Variants in SGCZ observed in about 807,000 individuals in gnomAD.
The protein encoded by SGCZ is sarcoglycan zeta.
In SGCZ, 40 loss-of-function variants were observed where a neutral mutation model predicts 41.3. The observed-to-expected ratio is 0.97, with a 90% CI of 0.75 to 1.26. The LOEUF (loss-of-function observed/expected upper bound fraction) is 1.26. Among genes scored for constraint, SGCZ ranks in the 50% most tolerant of loss-of-function variants. SGCZ has a pLI of 0.00. For synonymous variants in SGCZ, 206 were observed against 137.5 expected (o/e 1.50, Z -3.49); for missense variants, 552 against 369.8 (o/e 1.49, Z -4.04).
chr8:15,192,067 A>G (rs1180967401), intron 1 of SGCZ, among the ~76,000 whole-genome samples: 4 of 152,138 alleles, frequency 2.6e-5, no homozygotes, highest in African/African-American at 4.8e-5. Flanking sequence ...TAGAGCTACT[A>G]TTATATTCCC....
rs2116958339 is a variant in SGCZ, at chr8:14,093,907, G to A, written c.745-3270C>T. ...AATGTTACATTTGTATTCATTCATTGTTTGTTTCTTCTACTTACAATAAGA... is the reference window on the plus strand; with the variant it reads ...AATGTTACATTTGTATTCATTCATTATTTGTTTCTTCTACTTACAATAAGA... On this transcript the variant is annotated intron_variant, in intron 7 of 7. Coordinates refer to ENST00000382080, the MANE Select transcript of SGCZ (RefSeq NM_139167.4). 2.0e-5 allele frequency among the ~76,000 whole-genome samples: 3 copies of A among 152,012 alleles called. 1 individual carries two copies. The Middle Eastern group carries it at 0.01, about 517-fold the overall frequency.
At chr8:14,555,422 G>A (rs1804005273) in intron 1 of SGCZ, among the ~76,000 whole-genome samples, 2 of 151,806 alleles carry the variant, frequency 1.3e-5, no homozygotes, top group South Asian at 4.1e-4. Flanking sequence ...TGGTTAAGTG[G>A]GTGGCACCTC....
At position 14,994,660 on chromosome 8, in the gene SGCZ, A is replaced by ATG. The variant is rs1300901517; in HGVS notation, c.39+242923_39+242924dup. 4.0e-5 allele frequency among the ~76,000 whole-genome samples: 6 copies of ATG among 150,414 alleles called. No individual in the cohort carries two copies. In the East Asian group the frequency reaches 1.2e-3, roughly 29 times the overall value. ...CATGGTAGATTAGGGGCGTGTGTGTATGTGTGTGTGTATACTCACTACATT... is the reference window on the plus strand; with the variant it reads ...CATGGTAGATTAGGGGCGTGTGTGTATGTGTGTGTGTGTATACTCACTACATT... On this transcript the variant is annotated intron_variant, in intron 1 of 7. Coordinates refer to ENST00000382080, the MANE Select transcript of SGCZ (RefSeq NM_139167.4).
intron 1 of SGCZ, among the ~76,000 whole-genome samples, chr8:14,595,013 G>C (rs986802566): frequency 2.0e-5 from 3 of 151,440 alleles, no homozygotes; most frequent in African/African-American, 7.3e-5. Flanking sequence ...ATTTTTTTCT[G>C]TAGTAAAATA....
At chr8:15,113,831 C>A (rs1255151758) in intron 1 of SGCZ, among the ~76,000 whole-genome samples, 1 of 152,180 alleles carries the variant, frequency 6.6e-6, no homozygotes, top group African/African-American at 2.4e-5. Flanking sequence ...TCTGTAATCA[C>A]AGATTTGTGA....
At chr8:15,163,618 C>T (rs556561161) in intron 1 of SGCZ, among the ~76,000 whole-genome samples, 1 of 152,222 alleles carries the variant, frequency 6.6e-6, no homozygotes, top group South Asian at 2.1e-4. Context: ...TAACTAGAGA[C>T]CCTAAAGTAA....
chr8:14,463,349 A>G (rs757430891), intron 2 of SGCZ, among the ~76,000 whole-genome samples: 26 of 151,326 alleles, frequency 1.7e-4, no homozygotes, highest in Non-Finnish European at 3.0e-4. Context: ...TAGTACTGGA[A>G]TAAACACAGG....
intron 1 of SGCZ, among the ~76,000 whole-genome samples, chr8:15,019,281 A>C (rs923552116): frequency 1.3e-5 from 2 of 152,148 alleles, no homozygotes; most frequent in African/African-American, 4.8e-5. Flanking sequence ...AGGTGCAGAG[A>C]AATGGAAGAA....
intron 1 of SGCZ, among the ~76,000 whole-genome samples, chr8:14,712,234 G>A (rs1412263252): frequency 6.6e-6 from 1 of 152,174 alleles, no homozygotes; most frequent in Non-Finnish European, 1.5e-5. Flanking sequence ...CCTTATAAAA[G>A]TATTCCCCCT....
At chr8:14,900,534 C>T (rs1470078202) in intron 1 of SGCZ, among the ~76,000 whole-genome samples, 2 of 152,094 alleles carry the variant, frequency 1.3e-5, no homozygotes, top group African/African-American at 2.4e-5. Flanking sequence ...TCAACTATAC[C>T]GCTGGGTCCA....
At chr8:15,072,000 G>A (rs561648083) in intron 1 of SGCZ, among the ~76,000 whole-genome samples, 109 of 152,164 alleles carry the variant, frequency 7.2e-4, no homozygotes, top group African/African-American at 2.4e-3. Flanking sequence ...CCAGCTCCAC[G>A]GATCTCTACT....
At chr8:14,415,951 T>C in intron 2 of SGCZ, among the ~76,000 whole-genome samples, 1 of 151,952 alleles carries the variant, frequency 6.6e-6, no homozygotes, top group South Asian at 2.1e-4. Flanking sequence ...TAATAATTTC[T>C]CTATAATAAT....
chr8:14,242,742 G>A (rs1463532827), intron 3 of SGCZ, among the ~76,000 whole-genome samples: 1 of 151,994 alleles, frequency 6.6e-6, no homozygotes, highest in African/African-American at 2.4e-5. Flanking sequence ...AAATGACACA[G>A]CTAAAAAAGG....
chr8:15,149,978 A>G (rs189562070), intron 1 of SGCZ, among the ~76,000 whole-genome samples: 14 of 152,340 alleles, frequency 9.2e-5, no homozygotes, highest in African/African-American at 3.1e-4. Flanking sequence ...GTATTTGTCT[A>G]TATTTAGTTA....
At chr8:14,680,684 T>A (rs1252467561) in intron 1 of SGCZ, among the ~76,000 whole-genome samples, 3 of 150,584 alleles carry the variant, frequency 2.0e-5, no homozygotes, top group Non-Finnish European at 4.4e-5. Flanking sequence ...GAGCAAGAAA[T>A]CTCACAGATA....
chr8:15,235,783 G>T (rs917557387), intron 1 of SGCZ, among the ~76,000 whole-genome samples: 1 of 152,108 alleles, frequency 6.6e-6, no homozygotes, highest in East Asian at 1.9e-4. Flanking sequence ...TTAACAGAAC[G>T]CTCTCTTCTG....
At position 14,256,809 on chromosome 8, in the gene SGCZ, A is replaced by G. The variant is rs540805923; in HGVS notation, c.337-19130T>C. ...TCAACTTTCCGGGTTCACAGAAGCT[A>G]TATCATCAAACTGTCTAATATTTAC... On this transcript the variant is annotated intron_variant, in intron 3 of 7. Coordinates refer to ENST00000382080, the MANE Select transcript of SGCZ (RefSeq NM_139167.4). Among the ~76,000 whole-genome samples the G allele has an allele frequency of 9.8e-5, 15 of 152,324 alleles. 1 individual carries two copies. In the South Asian group the frequency reaches 3.1e-3, roughly 32 times the overall value.
At chr8:14,293,713 G>A (rs1407925645) in intron 3 of SGCZ, among the ~76,000 whole-genome samples, 1 of 151,828 alleles carries the variant, frequency 6.6e-6, no homozygotes, top group Admixed American at 6.6e-5. Context: ...TTAAATTACA[G>A]GGGAATTATT....
intron 3 of SGCZ, among the ~76,000 whole-genome samples, chr8:14,285,105 C>A (rs1006269585): frequency 1.3e-5 from 2 of 152,154 alleles, no homozygotes; most frequent in Non-Finnish European, 2.9e-5. Context: ...TAAGACTCAG[C>A]CTTATTAAAT....
Sources: gnomAD v4.1 joint callset for allele counts (sites outside exome capture counted in the v4.1 genomes callset) on GRCh38, gnomAD v4.1.1 for gene constraint, MANE v1.5 for transcripts, NCBI Gene and HGNC (gene_info 2026-07-23, HGNC 2026-07-21) for gene names.